The following NELL1 variants were observed in gnomAD, a reference collection of about 807,000 sequenced individuals.
NELL1 encodes protein kinase C-binding protein NELL1.
Under a neutral mutation model 107.4 loss-of-function variants are expected in NELL1, and 76 were observed. The observed-to-expected ratio is 0.71, with a 90% confidence interval of 0.59 to 0.86. The LOEUF (loss-of-function observed/expected upper bound fraction) is 0.86. Ranked by LOEUF, NELL1 falls within the 40% of genes least tolerant of loss-of-function variation. The pLI is 0.00. For synonymous variants in NELL1, 353 were observed against 341.2 expected, an observed-to-expected ratio of 1.03 and a Z score of -0.38; for missense variants, 1,024 against 1,005.5, an observed-to-expected ratio of 1.02 and a Z score of -0.25.
At chr11:20,711,086 T>A (rs893816655) in intron 2 of NELL1, among the ~76,000 whole-genome samples, 1 of 152,198 alleles carries the variant, frequency 6.6e-6, no homozygotes, top group African/African-American at 2.4e-5. Context: ...GGTTTGTTCT[T>A]GTTTCTCTAG....
intron 2 of NELL1, among the ~76,000 whole-genome samples, chr11:20,768,503 G>T (rs1435270877): frequency 1.3e-5 from 2 of 152,212 alleles, no homozygotes; most frequent in Admixed American, 1.3e-4. Context: ...CTCCTTCCCA[G>T]TGATGGCCAC....
At position 21,286,383 on chromosome 11, in the gene NELL1, C is replaced by T. The variant is rs540200471; in HGVS notation, c.1549+56929C>T. Among the ~76,000 whole-genome samples, 6 of 152,234 alleles carry T rather than the reference C, an allele frequency of 3.9e-5. No individual in the cohort carries two copies. In the South Asian group the frequency reaches 1.0e-3, roughly 26 times the overall value. On this transcript the variant is annotated intron_variant, in intron 14 of 19. Transcript: ENST00000357134. The stretch of plus-strand genomic sequence containing the variant: ...GTCACTGTCCAGGGCTGCCACTAGC[C>T]CAAATGGTGCCCACCTCTGGGCTGA...
At chr11:21,261,265 GA>G (rs1848525936) in intron 14 of NELL1, among the ~76,000 whole-genome samples, 1 of 151,406 alleles carries the variant, frequency 6.6e-6, no homozygotes, top group Non-Finnish European at 1.5e-5. Flanking sequence ...TTGTGTCATG[GA>G]GGTTTGTTGT....
chr11:20,706,069 G>A (rs4357683), intron 2 of NELL1, among the ~76,000 whole-genome samples: 13,748 of 152,196 alleles, frequency 0.09, 826 homozygotes, highest in Non-Finnish European at 0.13. Context: ...CTGTTGGTGG[G>A]GCTGTAAACT....
chr11:20,732,110 C>T (rs1156311531), intron 2 of NELL1, among the ~76,000 whole-genome samples: 1 of 152,020 alleles, frequency 6.6e-6, no homozygotes, highest in Non-Finnish European at 1.5e-5. Flanking sequence ...TTTTTTCTCA[C>T]TAGTCATCAT....
intron 13 of NELL1, among the ~76,000 whole-genome samples, chr11:21,155,055 G>A (rs551320516): frequency 3.1e-4 from 47 of 152,310 alleles, no homozygotes; most frequent in African/African-American, 1.1e-3. Context: ...TCTGAAGACA[G>A]TGAAGAAAGA....
At chr11:21,014,310 C>A (rs534161693) in intron 12 of NELL1, among the ~76,000 whole-genome samples, 3 of 152,204 alleles carry the variant, frequency 2.0e-5, no homozygotes, top group African/African-American at 4.8e-5. Context: ...AATAGAAATT[C>A]TTGGGGTAGA....
intron 14 of NELL1, among the ~76,000 whole-genome samples, chr11:21,357,494 A>T (rs1401790264): frequency 1.3e-5 from 2 of 152,012 alleles, no homozygotes; most frequent in East Asian, 3.9e-4. Flanking sequence ...CACTTTTTAA[A>T]GGATTATTTG....
intron 11 of NELL1, among the ~76,000 whole-genome samples, chr11:20,949,305 T>C (rs1281351256): frequency 2.0e-5 from 3 of 152,206 alleles, no homozygotes; most frequent in Non-Finnish European, 4.4e-5. Context: ...AGTGTGTTGA[T>C]AGCCAGAAAT....
chr11:21,421,597 C>A (rs926524838), intron 15 of NELL1, among the ~76,000 whole-genome samples: 1 of 152,016 alleles, frequency 6.6e-6, no homozygotes, highest in Admixed American at 6.6e-5. Context: ...CCTCACGTCC[C>A]CACCCCACAG....
intron 14 of NELL1, among the ~76,000 whole-genome samples, chr11:21,269,980 G>A (rs1848708893): frequency 6.6e-6 from 1 of 151,998 alleles, no homozygotes; most frequent in African/African-American, 2.4e-5. Flanking sequence ...TATTATCTAA[G>A]GGTATGCTGG....
At chr11:21,030,497 C>T (rs986031310) in intron 12 of NELL1, among the ~76,000 whole-genome samples, 4 of 152,164 alleles carry the variant, frequency 2.6e-5, no homozygotes, top group African/African-American at 7.2e-5. Flanking sequence ...ATATTGGAGG[C>T]CAGTTAACTT....
At chr11:21,489,830 C>T (rs1854752326) in intron 15 of NELL1, among the ~76,000 whole-genome samples, 1 of 152,048 alleles carries the variant, frequency 6.6e-6, no homozygotes, top group Non-Finnish European at 1.5e-5. Flanking sequence ...AAACCCACAG[C>T]TGACTTACAT....
At chr11:20,978,501 T>G (rs1851686144) in intron 12 of NELL1, among the ~76,000 whole-genome samples, 1 of 152,188 alleles carries the variant, frequency 6.6e-6, no homozygotes, top group South Asian at 2.1e-4. Flanking sequence ...TTTGCCTGTT[T>G]ATATTTACTC....
intron 15 of NELL1, among the ~76,000 whole-genome samples, chr11:21,467,783 A>T (rs1854069596): frequency 6.6e-6 from 1 of 152,072 alleles, no homozygotes; most frequent in Non-Finnish European, 1.5e-5. Flanking sequence ...GTGTGATTAG[A>T]TGGTGAACCG....
chr11:21,478,905 A>G (rs1854419284), intron 15 of NELL1, among the ~76,000 whole-genome samples: 1 of 152,162 alleles, frequency 6.6e-6, no homozygotes. Context: ...ATTTCTCAAA[A>G]GAAGATGTAC....
intron 5 of NELL1, among the ~76,000 whole-genome samples, chr11:20,912,695 TG>T (rs1850158557): frequency 6.6e-6 from 1 of 152,158 alleles, no homozygotes; most frequent in Non-Finnish European, 1.5e-5. Context: ...TGGACATCAC[TG>T]TCTCCTCTAA....
At chr11:20,962,178 A>T (rs969683657) in intron 12 of NELL1, among the ~76,000 whole-genome samples, 1 of 151,944 alleles carries the variant, frequency 6.6e-6, no homozygotes, top group Non-Finnish European at 1.5e-5. Flanking sequence ...AATACATCTT[A>T]GTTATTTGTT....
chr11:21,055,456 GTCAACTTCTA>G (rs1853589823), intron 12 of NELL1, among the ~76,000 whole-genome samples: 1 of 152,086 alleles, frequency 6.6e-6, no homozygotes, highest in African/African-American at 2.4e-5. Context: ...TCTTTTGCAA[GTCAACTTCTA>G]TATCCCTTAA....
Sources: allele counts gnomAD v4.1 joint callset (sites outside exome capture counted in the v4.1 genomes callset), GRCh38; gene constraint gnomAD v4.1.1; transcripts MANE v1.5; gene names NCBI Gene and HGNC (gene_info 2026-07-23, HGNC 2026-07-21).